The following RADIL variants were observed in gnomAD, a reference collection of about 807,000 sequenced individuals.
RADIL encodes the protein ras-associating and dilute domain-containing protein.
In RADIL, 99 loss-of-function variants were observed where a neutral mutation model predicts 97.6. The observed-to-expected ratio is 1.01, with a 90% CI of 0.86 to 1.20. The LOEUF is 1.20. Ranked by LOEUF, RADIL falls within the 50% of genes most tolerant of loss-of-function variation. The probability of loss-of-function intolerance (pLI) is 0.00; values close to 1 mark genes in which losing one functional copy is unlikely to be tolerated. For missense variants in RADIL, 1,765 were observed against 1,498.9 expected, an observed-to-expected ratio of 1.18 and a Z score of -2.93; for synonymous variants, 803 against 691.8, an observed-to-expected ratio of 1.16 and a Z score of -2.52.
intron 2 of RADIL, among the ~76,000 whole-genome samples, chr7:4,853,910 T>C (rs944232929): frequency 9.2e-5 from 14 of 152,172 alleles, no homozygotes; most frequent in African/African-American, 3.1e-4. Context: ...GGTGAGGTGA[T>C]GTACCCAGCT....
intron 5 of RADIL, among the ~76,000 whole-genome samples, chr7:4,829,761 A>ACTCT (rs891729575): frequency 2.0e-5 from 3 of 151,384 alleles, no homozygotes; most frequent in African/African-American, 7.3e-5. Flanking sequence ...CCCTGAACAC[A>ACTCT]CTCTCTCGCC....
rs752706365 is a variant in RADIL, at chr7:4,800,272, G to A, written c.2881C>T (p.Pro961Ser). 6.5e-6 allele frequency: 10 copies of A among 1,527,512 alleles called. No individual in the cohort carries two copies. The highest frequency in any genetic ancestry group is 8.8e-6 in the Non-Finnish European group (10 of 1,140,306). The allele number at this position is 1,527,512 out of a possible 1,614,324, so 94.6% of individuals were successfully genotyped here. The change falls in exon 13 of 15, where the codon CCG (proline) becomes TCG (serine). Residue 961 changes from proline to serine, a missense_variant. Transcript: ENST00000399583. The part of the protein sequence containing the change: ...AALAEESPPA[P>S]SSRSSSTEDF... ...TCGGTGCTGGAGCTGCGGCTGGACG[G>A]GGCTGGAGGGGACTCCTCCGCAAGG... is the stretch of plus-strand genomic sequence containing the variant.
At position 4,836,480 on chromosome 7, in the gene RADIL, T is replaced by C. The variant is rs1392092964; in HGVS notation, c.661A>G (p.Ser221Gly). ...LRRTVSETSL[S>G]PVNALPAAAQ... is the part of the protein sequence containing the mutation. ...GCAGCGGGCAGGGCGTTCACTGGGC[T>C]CAGGCTGGTCTCACTGACTGTGCGG... is the stretch of plus-strand genomic sequence containing the variant. Residue 221 changes from serine to glycine, a missense_variant, in exon 3 of 15, where the codon AGC becomes GGC. By Grantham distance (56) the Ser-to-Gly change is moderately conservative. Transcript: ENST00000399583. The C allele has an allele frequency of 6.2e-7, 1 of 1,607,242 alleles. No individual in the cohort carries two copies.
chr7:4,850,521 C>T (rs76344350), intron 2 of RADIL, among the ~76,000 whole-genome samples: 176 of 152,326 alleles, frequency 1.2e-3, no homozygotes, highest in Non-Finnish European at 2.3e-3. Flanking sequence ...GAGTTCTCTC[C>T]AGCTGGTCAC....
Position 4,836,784 on chromosome 7 carries a change from A to G in RADIL, c.536-179T>C, listed in dbSNP as rs866704685. On this transcript the variant is annotated intron_variant, in intron 2 of 14. Coordinates refer to ENST00000399583, the MANE Select transcript of RADIL (RefSeq NM_018059.5). ...GAAACCCCATTTCTACTAAAAATAC[A>G]AAAATGAGTTGGGCGTGGTGGTGCG... Among the ~76,000 whole-genome samples the G allele has an allele frequency of 6.4e-4, 97 of 152,202 alleles. 1 individual carries two copies. Among genetic ancestry groups the G allele is most frequent in the Middle Eastern group, 3.4e-3 (1 of 294 alleles).
chr7:4,807,941 TCTC>T (rs1782386702), intron 9 of RADIL, among the ~76,000 whole-genome samples: 1 of 51,252 alleles, frequency 2.0e-5, no homozygotes, highest in African/African-American at 9.7e-5. Flanking sequence ...TCCTCCTCCC[TCTC>T]CTCTCCCTCC....
rs1784416472 is a variant in RADIL, at chr7:4,878,325, C to T, written c.-64-122G>A. On this transcript the variant is annotated intron_variant, in intron 1 of 14. Transcript: ENST00000399583. This position sits in a 1 kb window ranked among gnomAD's most constrained non-coding sequence, Gnocchi z 4.1. ...TTAGAAGGCCAAGGTGGGAGGACGG[C>T]TTGAGCCCGGGAGTTCCAGACCAGC... 1 of 661,944 alleles carries T rather than the reference C, an allele frequency of 1.5e-6. No individual in the cohort carries two copies. The highest frequency in any genetic ancestry group is 2.5e-6 in the Non-Finnish European group (1 of 398,926). The allele number at this position is 661,944 out of a possible 1,614,324, so 41.0% of individuals were successfully genotyped here. A position where few individuals can be genotyped will look rare whatever the true frequency, so the allele number is the denominator to read the frequency against.
chr7:4,816,136 G>A, intron 8 of RADIL, 92 bp downstream of exon 8: 1 of 1,266,888 alleles, frequency 7.9e-7, no homozygotes, highest in Non-Finnish European at 1.1e-6. Flanking sequence ...AAAGGGCAGA[G>A]CCGCCTCCAG....
Position 4,846,220 on chromosome 7 carries a change from C to A in RADIL, c.536-9615G>T, listed in dbSNP as rs187143402. ...TCTTGGCTCACTGCAACCTCCGACT[C>A]ACTGCAACCTCCGACTCCCTGGTTC... On this transcript the variant is annotated intron_variant, in intron 2 of 14. Coordinates refer to ENST00000399583, the MANE Select transcript of RADIL (RefSeq NM_018059.5). Among the ~76,000 whole-genome samples, 105 of 151,210 alleles carry A rather than the reference C, an allele frequency of 6.9e-4. 1 individual carries two copies. Among genetic ancestry groups the A allele is most frequent in the African/African-American group, 2.4e-3 (101 of 41,242 alleles).
intron 2 of RADIL, among the ~76,000 whole-genome samples, chr7:4,863,504 C>A (rs868729971): frequency 7.9e-5 from 12 of 152,214 alleles, no homozygotes; most frequent in African/African-American, 2.9e-4. Context: ...AGAGGATTTG[C>A]TTTGTTTCCA....
intron 2 of RADIL, among the ~76,000 whole-genome samples, chr7:4,850,223 A>G (rs796304110): frequency 2.0e-5 from 3 of 149,804 alleles, no homozygotes; most frequent in African/African-American, 7.5e-5. Flanking sequence ...CTTTAAAAAA[A>G]AAAAAAAAAA....
chr7:4,837,968 T>A lies in RADIL; in HGVS notation c.536-1363A>T. The A allele has an allele frequency of 1.0e-6, 1 of 985,398 alleles. No individual in the cohort carries two copies. The highest frequency in any genetic ancestry group is 4.7e-5 in the South Asian group (1 of 21,292). 61.0% of individuals were successfully genotyped at this position (985,398 alleles called of 1,614,324 possible). A position where few individuals can be genotyped will look rare whatever the true frequency, so the allele number is the denominator to read the frequency against. On this transcript the variant is annotated intron_variant, in intron 2 of 14. Transcript: ENST00000399583. This position sits in a 1 kb window ranked among gnomAD's most constrained non-coding sequence, Gnocchi z 5.6. Reference sequence around the variant, plus strand: ...CCAATAAAACCAAACAAAAGCCGGATGGAGGGAGGCGTCAGCTGGCTGAGG... The same window carrying A: ...CCAATAAAACCAAACAAAAGCCGGAAGGAGGGAGGCGTCAGCTGGCTGAGG...
intron 2 of RADIL, among the ~76,000 whole-genome samples, chr7:4,836,949 A>T (rs568194728): frequency 1.3e-5 from 2 of 152,224 alleles, no homozygotes; most frequent in Non-Finnish European, 2.9e-5. Context: ...CCGCCAAAAA[A>T]AACAGGTAAG....
At chr7:4,881,798 GC>G (rs1258540989) in intron 1 of RADIL, among the ~76,000 whole-genome samples, 1 of 151,858 alleles carries the variant, frequency 6.6e-6, no homozygotes. Context: ...GATATTTGGG[GC>G]CCAGGGGTGG....
chr7:4,820,913 T>A (rs2115195559), intron 6 of RADIL, among the ~76,000 whole-genome samples: 1 of 152,286 alleles, frequency 6.6e-6, no homozygotes, highest in Middle Eastern at 3.4e-3. Context: ...TCAGGAAACC[T>A]GCCCCTAAGG....
At position 4,835,603 on chromosome 7, in the gene RADIL, T is replaced by TACC. The variant is rs1562443550; in HGVS notation, c.784-365_784-364insGGT. Among the ~76,000 whole-genome samples, 16 of 151,858 alleles carry TACC rather than the reference T, an allele frequency of 1.1e-4. No homozygotes were observed. The highest frequency in any genetic ancestry group is 3.9e-4 in the African/African-American group (16 of 41,398). On this transcript the variant is annotated intron_variant, in intron 3 of 14. Transcript: ENST00000399583. The surrounding 1 kb of genome is among the most constrained non-coding windows in gnomAD (Gnocchi z 5.8). ...CATCCCCAAAACTGTGTGGGAGCAC[T>TACC]GCCGCCTGTGTGGGAGCACCACCCC...
At chr7:4,847,390 T>G (rs959340980) in intron 2 of RADIL, among the ~76,000 whole-genome samples, 1 of 152,144 alleles carries the variant, frequency 6.6e-6, no homozygotes, top group African/African-American at 2.4e-5. Flanking sequence ...CATACACGAT[T>G]GCTGGAAAGT....
chr7:4,821,436 G>A lies in RADIL; in HGVS notation c.1615+958C>T, dbSNP rs1192866761. On this transcript the variant is annotated intron_variant, in intron 6 of 14. Transcript: ENST00000399583. This position sits in a 1 kb window ranked among gnomAD's most constrained non-coding sequence, Gnocchi z 5.2. ...TCCAGGCCCCACACAGTCCTTAGCAGACACATGAGCCGAAATCCTACCCCG... is the reference window on the plus strand; with the variant it reads ...TCCAGGCCCCACACAGTCCTTAGCAAACACATGAGCCGAAATCCTACCCCG... Among the ~76,000 whole-genome samples, 3 of 152,166 alleles carry A rather than the reference G, an allele frequency of 2.0e-5. No individual in the cohort carries two copies. The highest frequency in any genetic ancestry group is 6.5e-5 in the Admixed American group (1 of 15,284).
At chr7:4,846,130 T>C (rs796767211) in intron 2 of RADIL, among the ~76,000 whole-genome samples, 65,832 of 142,238 alleles carry the variant, frequency 0.46, 14,586 homozygotes, top group South Asian at 0.52. Flanking sequence ...CTTCTTTTTT[T>C]TTTTTTTTTT....
Sources: gnomAD v4.1 joint callset for allele counts (sites outside exome capture counted in the v4.1 genomes callset) on GRCh38, gnomAD v4.1.1 for gene constraint, Gnocchi (gnomAD v3.1) non-coding constraint, MANE v1.5 for transcripts, NCBI Gene and HGNC (gene_info 2026-07-23, HGNC 2026-07-21) for gene names.